The following TFIP11 variants were observed in gnomAD, a reference collection of about 807,000 sequenced individuals.
TFIP11 encodes tuftelin-interacting protein 11.
In TFIP11, 86 loss-of-function variants were observed where a neutral mutation model predicts 96.8. The observed-to-expected ratio is 0.89, with a 90% CI of 0.75 to 1.06. The LOEUF (loss-of-function observed/expected upper bound fraction) is 1.06. Among genes scored for constraint, TFIP11 ranks in the 50% least tolerant of loss-of-function variants. The probability of loss-of-function intolerance (pLI) is 0.00; values close to 1 mark genes in which losing one functional copy is unlikely to be tolerated. For missense variants in TFIP11, 881 were observed against 1,076.7 expected, an observed-to-expected ratio of 0.82 and a Z score of 2.54; for synonymous variants, 405 against 395.2, an observed-to-expected ratio of 1.02 and a Z score of -0.29.
chr22:26,493,724 G>C, intron 14 of TFIP11: 1 of 182,226 alleles, frequency 5.5e-6, no homozygotes, highest in African/African-American at 2.4e-5. Flanking sequence ...TGTTTAACAG[G>C]TAAAATGGGG....
intron 4 of TFIP11, among the ~76,000 whole-genome samples, chr22:26,508,857 AG>A (rs1242571141): frequency 2.1e-5 from 3 of 141,718 alleles, no homozygotes; most frequent in South Asian, 4.6e-4. Context: ...AAAAAAAAAA[AG>A]AAAAAGAAAA....
Position 26,491,810 on chromosome 22 carries a change from T to C in TFIP11, c.*203A>G. The C allele has an allele frequency of 3.2e-6, 3 of 938,818 alleles. No homozygotes were observed. Among genetic ancestry groups the C allele is most frequent in the South Asian group, 1.7e-5 (1 of 58,558 alleles). The allele number at this position is 938,818 out of a possible 1,614,324, so 58.2% of individuals were successfully genotyped here. ...CTTGGCTGTCCTGTTTTGAGGACGA[T>C]ACCCCACATGAGGACTTGGTATAAA... On this transcript the variant is annotated 3_prime_UTR_variant, in exon 15 of 15. Coordinates refer to ENST00000407690, the MANE Select transcript of TFIP11 (RefSeq NM_012143.4).
chr22:26,499,443 G>C lies in TFIP11; in HGVS notation c.990C>G (p.Leu330=), dbSNP rs768855697. The change falls in exon 9 of 15, where the codon CTC becomes CTG. Residue 330 remains leucine, a synonymous_variant. Coordinates refer to ENST00000407690, the MANE Select transcript of TFIP11 (RefSeq NM_012143.4). ...CATTCTGGATGATCTCCTGCTCCGT[G>C]AGGTCGATGAGCAGCTGCAGGTTGT... ...LEHNLQLLID[L]TEQEIIQNDR... The C allele has an allele frequency of 1.8e-5, 29 of 1,614,084 alleles. No individual in the cohort carries two copies. In the East Asian group the frequency reaches 6.5e-4, roughly 36 times the overall value.
Position 26,494,140 on chromosome 22 carries a change from A to C in TFIP11, c.2157T>G (p.Val719=). 1 of 1,613,116 alleles carries C rather than the reference A, an allele frequency of 6.2e-7. No individual in the cohort carries two copies. The highest frequency in any genetic ancestry group is 2.2e-5 in the East Asian group (1 of 44,860). Residue 719 remains valine, a splice_region_variant and synonymous_variant, in exon 14 of 15, where the codon GTT becomes GTG. Transcript: ENST00000407690. ...DIMNRAVSSN[V]GAYMQPGARE... ...TCCAAAATGGGAATCCTCACTTACC[A>C]ACGTTGGAGGACACCGCCCGGTTCA...
At chr22:26,495,380 C>T (rs1288644903) in intron 12 of TFIP11, among the ~76,000 whole-genome samples, 2 of 145,602 alleles carry the variant, frequency 1.4e-5, no homozygotes, top group African/African-American at 5.1e-5. Flanking sequence ...GAGGTTCAAG[C>T]CATCCTCCCG....
At chr22:26,509,783 AAGGTGGAGGTTGCAGCT>A (rs1242776437) in intron 4 of TFIP11, among the ~76,000 whole-genome samples, 1 of 152,132 alleles carries the variant, frequency 6.6e-6, no homozygotes, top group Non-Finnish European at 1.5e-5. Context: ...TTAAACCTGG[AAGGTGGAGGTTGCAGCT>A]AGCCAAGAGC....
Position 26,491,377 on chromosome 22 carries a change from A to G in TFIP11, c.*636T>C, listed in dbSNP as rs76272540. 0.011 allele frequency: 11,771 copies of G among 1,075,392 alleles called. 94 individuals carry two copies. The highest frequency in any genetic ancestry group is 0.015 in the Middle Eastern group (47 of 3,176). The allele number at this position is 1,075,392 out of a possible 1,614,324, so 66.6% of individuals were successfully genotyped here. ...TATTTTTTTAAAAAGTAAAGTGGGGATGACAAGTAAAGTGGAAATTTATCC... is the reference window on the plus strand; with the variant it reads ...TATTTTTTTAAAAAGTAAAGTGGGGGTGACAAGTAAAGTGGAAATTTATCC... On this transcript the variant is annotated 3_prime_UTR_variant, in exon 15 of 15. Coordinates refer to ENST00000407690, the MANE Select transcript of TFIP11 (RefSeq NM_012143.4).
chr22:26,510,464 TAA>T (rs1923916834), intron 3 of TFIP11, among the ~76,000 whole-genome samples, 151 bp downstream of exon 3: 1 of 152,222 alleles, frequency 6.6e-6, no homozygotes, highest in Non-Finnish European at 1.5e-5. Flanking sequence ...CAATCAGTAC[TAA>T]AACAGGTGAA....
chr22:26,501,674 G>C (rs1333929437), intron 8 of TFIP11, among the ~76,000 whole-genome samples: 1 of 148,896 alleles, frequency 6.7e-6, no homozygotes, highest in Non-Finnish European at 1.5e-5. Context: ...GAAGGAACTT[G>C]GTAACTATTA....
At chr22:26,506,648 A>C (rs1195417459) in intron 5 of TFIP11, 127 bp downstream of exon 5, 2 of 1,374,508 alleles carry the variant, frequency 1.5e-6, no homozygotes, top group Non-Finnish European at 2.0e-6. Flanking sequence ...ACTCACAGAA[A>C]CCTGCCACCA....
In TFIP11 at chr22:26,501,354, T is replaced by C. The variant is rs78847340; in HGVS notation, c.801+546A>G. Among the ~76,000 whole-genome samples, 1,281 of 152,282 alleles carry C rather than the reference T, an allele frequency of 8.4e-3. 9 individuals carry two copies. Among genetic ancestry groups the C allele is most frequent in the Middle Eastern group, 0.017 (5 of 294 alleles). On this transcript the variant is annotated intron_variant, in intron 8 of 14. Transcript: ENST00000407690. ...GAGTATTTAAATGCCTTAAGTACTTTTGTATTCAACATGGTGATTGCACAT... is the reference window on the plus strand; with the variant it reads ...GAGTATTTAAATGCCTTAAGTACTTCTGTATTCAACATGGTGATTGCACAT...
Position 26,491,841 on chromosome 22 carries a change from C to G in TFIP11, c.*172G>C, listed in dbSNP as rs1921229090. The G allele has an allele frequency of 2.2e-6, 2 of 921,374 alleles. No individual in the cohort carries two copies. Among genetic ancestry groups the G allele is most frequent in the Admixed American group, 5.5e-5 (2 of 36,640 alleles). The allele number at this position is 921,374 out of a possible 1,614,324, so 57.1% of individuals were successfully genotyped here. A position where few individuals can be genotyped will look rare whatever the true frequency, so the allele number is the denominator to read the frequency against. ...ACATGAGGACTTGGTATAAAGATTC[C>G]TGCCCTACGTGGCATTGTCCCATTT... On this transcript the variant is annotated 3_prime_UTR_variant, in exon 15 of 15. Transcript: ENST00000407690.
At chr22:26,506,982 C>A (rs900825136) in intron 4 of TFIP11, 54 bp from the exon 5 acceptor site, 18 of 1,581,090 alleles carry the variant, frequency 1.1e-5, no homozygotes, top group Non-Finnish European at 1.5e-5. Flanking sequence ...CTTTTCTCTG[C>A]AGCGATCCTT....
chr22:26,498,103 A>G (rs1922288008), intron 10 of TFIP11, among the ~76,000 whole-genome samples: 1 of 152,228 alleles, frequency 6.6e-6, no homozygotes, highest in East Asian at 1.9e-4. Context: ...TATTATTCTA[A>G]GTGAAGTAAC....
intron 4 of TFIP11, among the ~76,000 whole-genome samples, chr22:26,507,549 G>A (rs1602225533): frequency 6.6e-6 from 1 of 151,042 alleles, no homozygotes; most frequent in African/African-American, 2.4e-5. Flanking sequence ...AGGATTGCTT[G>A]AGCCCAGGAA....
chr22:26,496,817 C>T lies in TFIP11; in HGVS notation c.1509G>A (p.Pro503=), dbSNP rs754073066. The change falls in exon 11 of 15, where the codon CCG becomes CCA. Residue 503 remains proline, a synonymous_variant. Coordinates refer to ENST00000407690, the MANE Select transcript of TFIP11 (RefSeq NM_012143.4). ...CCCAACTATCCAAAAAGTCCACCAT[C>T]GGGTCACAGTTCCTTGGCTGCCACT... ...VTQWQPRNCD[P]MVDFLDSWVH... The T allele has an allele frequency of 5.6e-6, 9 of 1,614,172 alleles. No individual in the cohort carries two copies. The highest frequency in any genetic ancestry group is 3.3e-5 in the Admixed American group (2 of 60,018).
At chr22:26,506,266 C>A (rs780965477) in intron 6 of TFIP11, 37 bp downstream of exon 6, 2 of 1,549,276 alleles carry the variant, frequency 1.3e-6, no homozygotes, top group South Asian at 1.2e-5. Context: ...CCTATGCCTG[C>A]CCTCCTCCAT....
intron 4 of TFIP11, among the ~76,000 whole-genome samples, chr22:26,509,754 G>C (rs1923827704): frequency 6.6e-6 from 1 of 152,174 alleles, no homozygotes; most frequent in Non-Finnish European, 1.5e-5. Context: ...TACTCGGGAG[G>C]CTGAGGCACG....
rs754927488 is a variant in TFIP11 at position 26,496,208 on chromosome 22, T to C, written c.1714A>G (p.Ser572Gly). The change falls in exon 12 of 15, where the codon AGT (serine) becomes GGT (glycine). Residue 572 changes from serine (S) to glycine (G), a missense_variant. Transcript: ENST00000407690. ...TTCTGCAGGGCGCTGGACAGCTTAC[T>C]ACGGATGGGGGAATAGAGTGGCTCC... The part of the protein sequence containing the change: ...RLEPLYSPIR[S>G]KLSSALQKWH... 2 of 1,614,022 alleles carry C rather than the reference T, an allele frequency of 1.2e-6. No individual in the cohort carries two copies. The highest frequency in any genetic ancestry group is 1.3e-5 in the African/African-American group (1 of 75,032).
Sources: allele counts gnomAD v4.1 joint callset (sites outside exome capture counted in the v4.1 genomes callset), GRCh38; gene constraint gnomAD v4.1.1; transcripts MANE v1.5; gene names NCBI Gene and HGNC (gene_info 2026-07-23, HGNC 2026-07-21).